IQSEC1: variants seen among roughly 807,000 people sequenced by gnomAD.
The protein encoded by IQSEC1 is IQ motif and Sec7 domain ArfGEF 1.
IQSEC1 carries 31 observed loss-of-function variants against 91.0 expected under a neutral mutation model. The observed-to-expected ratio is 0.34, with a 90% confidence interval of 0.26 to 0.46. IQSEC1 has a LOEUF of 0.46. IQSEC1 is among the 20% of genes least tolerant of loss of function. The pLI, the probability that IQSEC1 is intolerant of heterozygous loss-of-function variation, is 1.00. For synonymous variants in IQSEC1, 699 were observed against 662.6 expected (o/e 1.05, Z -0.84); for missense variants, 1,388 against 1,575.6 (o/e 0.88, Z 2.02).
chr3:12,914,039 C>T (rs1172504658), intron 8 of IQSEC1, among the ~76,000 whole-genome samples: 1 of 152,238 alleles, frequency 6.6e-6, no homozygotes, highest in Non-Finnish European at 1.5e-5. Context: ...AGTGGCAGAG[C>T]CAGGATCCAA....
upstream of IQSEC1, among the ~76,000 whole-genome samples, chr3:13,073,852 T>A (rs1415067987): frequency 6.6e-6 from 1 of 152,212 alleles, no homozygotes; most frequent in Non-Finnish European, 1.5e-5. Context: ...TTGATTATGC[T>A]ACTGTGAAAG....
chr3:12,951,058 C>T (rs1699511215), intron 1 of IQSEC1, among the ~76,000 whole-genome samples: 1 of 152,166 alleles, frequency 6.6e-6, no homozygotes, highest in Non-Finnish European at 1.5e-5. Context: ...CTGCAGTTAG[C>T]TATGATGACA....
chr3:13,163,658 C>T (rs1457817611), intron 2 of IQSEC1, among the ~76,000 whole-genome samples: 1 of 152,134 alleles, frequency 6.6e-6, no homozygotes, highest in East Asian at 1.9e-4. Flanking sequence ...TTACGCCTGC[C>T]GTGGAGACAC....
intron 6 of IQSEC1, among the ~76,000 whole-genome samples, chr3:12,916,363 C>A (rs994460654): frequency 6.6e-6 from 1 of 152,212 alleles, no homozygotes; most frequent in Non-Finnish European, 1.5e-5. Context: ...AGGCTGGAGG[C>A]TGGGCTCTGA....
rs537399546 is a variant in IQSEC1, at chr3:13,011,581, G to A, written c.23+61411C>T. On this transcript the variant is annotated intron_variant, in intron 1 of 13. Transcript: ENST00000613206. ...TCCCTGGCCTTTCTCAACTGTGTGC[G>A]AATACACTGGGGCCAGCTTCGAAGT... is the stretch of plus-strand genomic sequence containing the variant. Among the ~76,000 whole-genome samples, 7 of 152,296 alleles carry A rather than the reference G, an allele frequency of 4.6e-5. No individual in the cohort carries two copies. The East Asian group carries it at 9.6e-4, about 21-fold the overall frequency.
At chr3:13,201,052 T>C (rs1412739503) in intron 1 of IQSEC1, among the ~76,000 whole-genome samples, 1 of 152,160 alleles carries the variant, frequency 6.6e-6, no homozygotes, top group East Asian at 1.9e-4. Flanking sequence ...TTCGACTCAC[T>C]TTTGGGGGCA....
chr3:13,080,305 G>GA (rs1416968244), intron 2 of IQSEC1, among the ~76,000 whole-genome samples: 1 of 152,164 alleles, frequency 6.6e-6, no homozygotes, highest in Non-Finnish European at 1.5e-5. Flanking sequence ...TGAGAGTGGG[G>GA]ATGCAGAGAA....
rs1371179409 is a variant in IQSEC1 at position 13,214,524 on chromosome 3, C to A, written c.273-50391G>T. On this transcript the variant is annotated intron_variant, in intron 1 of 15. Transcript: ENST00000648114. The surrounding 1 kb of genome is among the most constrained non-coding windows in gnomAD (Gnocchi z 4.5). ...CAAATGGGAAACTCCCTTTCATGGC[C>A]TCCATTGCACGTGGGTGCAGCCTGG... Among the ~76,000 whole-genome samples the A allele has an allele frequency of 6.6e-6, 1 of 152,268 alleles. No individual in the cohort carries two copies. The highest frequency in any genetic ancestry group is 1.5e-5 in the Non-Finnish European group (1 of 68,054).
rs1694453265 is a variant in IQSEC1, at chr3:13,211,790, G to A, written c.273-47657C>T. On this transcript the variant is annotated intron_variant, in intron 1 of 15. Transcript: ENST00000648114. This position sits in a 1 kb window ranked among gnomAD's most constrained non-coding sequence, Gnocchi z 5.3. The stretch of plus-strand genomic sequence containing the variant: ...GGCCCTCTCTCCCTGCCCCCATCCT[G>A]GCAGATGAAATCCCTAAAAGCCCAC... Among the ~76,000 whole-genome samples, 1 of 152,164 alleles carries A rather than the reference G, an allele frequency of 6.6e-6. No homozygotes were observed. Among genetic ancestry groups the A allele is most frequent in the African/African-American group, 2.4e-5 (1 of 41,426 alleles).
At chr3:12,965,528 T>C (rs185122344) in intron 1 of IQSEC1, among the ~76,000 whole-genome samples, 1 of 152,350 alleles carries the variant, frequency 6.6e-6, no homozygotes, top group African/African-American at 2.4e-5. Context: ...GCTCTGAGGC[T>C]GATGCGTGAA....
chr3:13,176,292 GGAGGA>G (rs1693727012), intron 1 of IQSEC1, among the ~76,000 whole-genome samples: 1 of 152,192 alleles, frequency 6.6e-6, no homozygotes, highest in South Asian at 2.1e-4. Flanking sequence ...CGTCAGAACT[GGAGGA>G]TAACAAGTGT....
chr3:12,959,054 T>A (rs184109739), intron 1 of IQSEC1, among the ~76,000 whole-genome samples: 1 of 152,064 alleles, frequency 6.6e-6, no homozygotes, highest in Non-Finnish European at 1.5e-5. Flanking sequence ...AACTTACAGA[T>A]TTGCAGGTGC....
chr3:13,185,579 C>T (rs982536003), intron 1 of IQSEC1, among the ~76,000 whole-genome samples: 2 of 152,200 alleles, frequency 1.3e-5, no homozygotes, highest in African/African-American at 4.8e-5. Context: ...TCCACAAACA[C>T]AGGCATCATT....
At chr3:13,027,987 T>C (rs918331930) in intron 1 of IQSEC1, among the ~76,000 whole-genome samples, 1 of 152,240 alleles carries the variant, frequency 6.6e-6, no homozygotes, top group Non-Finnish European at 1.5e-5. Context: ...ATACCTCTTG[T>C]ATCCTCCGCT....
chr3:12,944,098 AGTTTCCCTATCAGTAACAC>A (rs892205564), intron 1 of IQSEC1, among the ~76,000 whole-genome samples: 7 of 152,150 alleles, frequency 4.6e-5, no homozygotes, highest in Non-Finnish European at 8.8e-5. Flanking sequence ...TCAAGGTCCC[AGTTTCCCTATCAGTAACAC>A]GGTGGGCTGG....
At chr3:13,231,693 T>C (rs1275145595) in intron 1 of IQSEC1, among the ~76,000 whole-genome samples, 3 of 152,244 alleles carry the variant, frequency 2.0e-5, no homozygotes, top group African/African-American at 7.2e-5. Context: ...CCAAATGCAA[T>C]AATGAATGTG....
In IQSEC1 at chr3:12,899,545, G is replaced by A; in HGVS notation, c.*1438C>T. 5.3e-6 allele frequency: 8 copies of A among 1,509,996 alleles called. No individual in the cohort carries two copies. Among genetic ancestry groups the A allele is most frequent in the South Asian group, 1.2e-5 (1 of 81,130 alleles). The allele number at this position is 1,509,996 out of a possible 1,614,324, so 93.5% of individuals were successfully genotyped here. On this transcript the variant is annotated 3_prime_UTR_variant, in exon 14 of 14. Coordinates refer to ENST00000613206, the MANE Select transcript of IQSEC1 (RefSeq NM_001134382.3). ...ACAGAAGCGACAAGAGCACAGCTGA[G>A]AGTCATGTGATGCCCTGGCAGCTCA...
chr3:12,982,309 ATGG>A, intron 1 of IQSEC1, among the ~76,000 whole-genome samples: 3 of 152,328 alleles, frequency 2.0e-5, no homozygotes, highest in African/African-American at 7.2e-5. Flanking sequence ...AAAATTGTTT[ATGG>A]GTGTGATATC....
intron 2 of IQSEC1, among the ~76,000 whole-genome samples, chr3:13,101,871 T>C (rs1231211128): frequency 2.7e-5 from 4 of 146,736 alleles, no homozygotes; most frequent in African/African-American, 1.0e-4. Flanking sequence ...AACACTGGCC[T>C]CCTTCCCCAT....
Sources: allele counts gnomAD v4.1 joint callset (sites outside exome capture counted in the v4.1 genomes callset), GRCh38; gene constraint gnomAD v4.1.1; non-coding constraint Gnocchi (gnomAD v3.1); transcripts MANE v1.5; gene names NCBI Gene and HGNC (gene_info 2026-07-23, HGNC 2026-07-21).